SUMF1: variants seen among roughly 807,000 people sequenced by gnomAD.
SUMF1 encodes sulfatase modifying factor 1.
In SUMF1, 48 loss-of-function variants were observed where a neutral mutation model predicts 47.6. That is an observed-to-expected ratio of 1.01 (90% CI 0.80 to 1.28). The LOEUF is 1.28. Among genes scored for constraint, SUMF1 ranks in the 50% most tolerant of loss-of-function variants. The probability of loss-of-function intolerance (pLI) is 0.00; values close to 1 mark genes in which losing one functional copy is unlikely to be tolerated. For synonymous variants in SUMF1, 230 were observed against 192.1 expected (o/e 1.20, Z -1.63); for missense variants, 571 against 485.4 (o/e 1.18, Z -1.66).
intron 8 of SUMF1, among the ~76,000 whole-genome samples, chr3:4,254,860 G>C (rs1230548503): frequency 6.6e-6 from 1 of 152,078 alleles, no homozygotes; most frequent in Non-Finnish European, 1.5e-5. Flanking sequence ...AGGGCAGCCA[G>C]AGAGAAAGGT....
chr3:4,363,933 A>C (rs1226841106), intron 8 of SUMF1, among the ~76,000 whole-genome samples: 1 of 145,636 alleles, frequency 6.9e-6, no homozygotes, highest in African/African-American at 2.6e-5. Context: ...TTTAGCATGA[A>C]GGGTTGTTGA....
At chr3:4,425,548 G>A (rs1411835639) in intron 3 of SUMF1, among the ~76,000 whole-genome samples, 2 of 152,134 alleles carry the variant, frequency 1.3e-5, no homozygotes, top group East Asian at 1.9e-4. Flanking sequence ...CTGATCAACT[G>A]AGAAAAGTGA....
chr3:4,321,978 T>TTAAC (rs1415382628), intron 8 of SUMF1, among the ~76,000 whole-genome samples: 4 of 152,156 alleles, frequency 2.6e-5, no homozygotes, highest in Non-Finnish European at 4.4e-5. Flanking sequence ...AGATGGTACA[T>TTAAC]TAACTCTGTG....
chr3:4,415,473 C>A (rs930796403), intron 6 of SUMF1, among the ~76,000 whole-genome samples: 2 of 152,100 alleles, frequency 1.3e-5, no homozygotes, highest in African/African-American at 4.8e-5. Flanking sequence ...GAAAAGTTTT[C>A]TAACCTTTGA....
At chr3:4,228,467 A>G (rs992443854) in intron 8 of SUMF1, among the ~76,000 whole-genome samples, 1 of 152,038 alleles carries the variant, frequency 6.6e-6, no homozygotes, top group Non-Finnish European at 1.5e-5. Flanking sequence ...TCCAATAACT[A>G]AGTTTATGGA....
intron 8 of SUMF1, among the ~76,000 whole-genome samples, chr3:4,154,737 G>C (rs1173383650): frequency 6.6e-6 from 1 of 151,472 alleles, no homozygotes; most frequent in East Asian, 1.9e-4. Flanking sequence ...CAGGTCCATA[G>C]ACTGATAATT....
chr3:4,452,891 A>C lies in SUMF1; in HGVS notation c.429T>G (p.Thr143=). 1 of 1,614,216 alleles carries C rather than the reference A, an allele frequency of 6.2e-7. No individual in the cohort carries two copies. The highest frequency in any genetic ancestry group is 8.5e-7 in the Non-Finnish European group (1 of 1,180,044). ...ATCCCATTACCTCTGTCAAATAGCC[A>C]GTTGAGTTCACAAACTTCTCAAATT... The part of the protein sequence containing the change: ...NTEFEKFVNS[T]GYLTEAEKFG... Residue 143 remains threonine, a synonymous_variant, in exon 2 of 9, where the codon ACT becomes ACG. Coordinates refer to ENST00000272902, the MANE Select transcript of SUMF1 (RefSeq NM_182760.4).
rs1699776024 is a variant in SUMF1 at position 4,362,041 on chromosome 3, C to T, written c.*103G>A. ...CATTGGGCAGGTATGTAACCCACCT[C>T]AGGGTGGGAATTCTTTGCATGGGAT... On this transcript the variant is annotated 3_prime_UTR_variant, in exon 9 of 9. Coordinates refer to ENST00000272902, the MANE Select transcript of SUMF1 (RefSeq NM_182760.4). 8.6e-7 allele frequency: 1 copy of T among 1,162,564 alleles called. No individual in the cohort carries two copies. The highest frequency in any genetic ancestry group is 1.5e-5 in the African/African-American group (1 of 65,354). The allele number at this position is 1,162,564 out of a possible 1,614,324, so 72.0% of individuals were successfully genotyped here. A position where few individuals can be genotyped will look rare whatever the true frequency, so the allele number is the denominator to read the frequency against.
intron 8 of SUMF1, among the ~76,000 whole-genome samples, chr3:4,279,439 C>CA (rs1428196009): frequency 6.6e-6 from 1 of 152,094 alleles, no homozygotes; most frequent in Non-Finnish European, 1.5e-5. Flanking sequence ...AATCATACAA[C>CA]AAAATAGTAT....
chr3:4,074,437 A>G (rs1228425207), intron 8 of SUMF1, among the ~76,000 whole-genome samples: 1 of 152,140 alleles, frequency 6.6e-6, no homozygotes, highest in Non-Finnish European at 1.5e-5. Context: ...GAACTAGAGA[A>G]GCAAGAGCAA....
intron 8 of SUMF1, among the ~76,000 whole-genome samples, chr3:4,253,723 A>T (rs1197161605): frequency 1.7e-3 from 247 of 143,562 alleles, no homozygotes; most frequent in Admixed American, 5.6e-3. Context: ...TTAGGTAAAC[A>T]AAGCAGCCAG....
chr3:4,397,686 C>A lies in SUMF1; in HGVS notation c.954+13179G>T, dbSNP rs574820120. ...GCTTGATTAGATGCCATGTTTACTT[C>A]CTTTACTGAGTATAAAGTGGAGACT... is the stretch of plus-strand genomic sequence containing the variant. On this transcript the variant is annotated intron_variant, in intron 7 of 8. Coordinates refer to ENST00000272902, the MANE Select transcript of SUMF1 (RefSeq NM_182760.4). 2.0e-5 allele frequency among the ~76,000 whole-genome samples: 3 copies of A among 152,160 alleles called. No individual in the cohort carries two copies. The South Asian group carries it at 6.2e-4, about 32-fold the overall frequency.
intron 9 of SUMF1, among the ~76,000 whole-genome samples, chr3:4,043,972 T>TGCTAACTGTC (rs72433303): frequency 0.99 from 150,020 of 152,140 alleles, 73,994 homozygotes; most frequent in Middle Eastern, 1. Context: ...TAGGCACATA[T>TGCTAACTGTC]TCCAAGGCTG....
At chr3:4,443,622 A>C (rs1316792768) in intron 3 of SUMF1, among the ~76,000 whole-genome samples, 1 of 152,034 alleles carries the variant, frequency 6.6e-6, no homozygotes, top group African/African-American at 2.4e-5. Context: ...ACAATTAGCC[A>C]GGTGTGGTGG....
intron 7 of SUMF1, 90 bp downstream of exon 7, chr3:4,410,775 C>A: frequency 2.7e-6 from 3 of 1,116,514 alleles, no homozygotes; most frequent in Admixed American, 3.4e-5. Context: ...TATGTAAATA[C>A]CCCTCGGAAA....
chr3:4,121,293 C>T (rs906388991), intron 8 of SUMF1, among the ~76,000 whole-genome samples: 3 of 152,104 alleles, frequency 2.0e-5, no homozygotes, highest in Non-Finnish European at 2.9e-5. Flanking sequence ...AATGACCTCT[C>T]CAAGGTCAAA....
intron 8 of SUMF1, among the ~76,000 whole-genome samples, chr3:4,158,489 G>A (rs1694503809): frequency 6.6e-6 from 1 of 151,518 alleles, no homozygotes; most frequent in South Asian, 2.1e-4. Flanking sequence ...TACAAATTAA[G>A]TACAATGTTT....
chr3:4,448,491 C>T (rs942938168), intron 3 of SUMF1, among the ~76,000 whole-genome samples: 4 of 152,186 alleles, frequency 2.6e-5, no homozygotes, highest in Admixed American at 6.5e-5. Flanking sequence ...TCTCCTATCC[C>T]TTCTGCATTC....
At chr3:4,158,052 T>C (rs1437478740) in intron 8 of SUMF1, among the ~76,000 whole-genome samples, 1 of 151,616 alleles carries the variant, frequency 6.6e-6, no homozygotes, top group Admixed American at 6.5e-5. Flanking sequence ...GATAATTCAG[T>C]CCAATTGAGT....
Sources: gnomAD v4.1 joint callset for allele counts (sites outside exome capture counted in the v4.1 genomes callset) on GRCh38, gnomAD v4.1.1 for gene constraint, MANE v1.5 for transcripts, NCBI Gene and HGNC (gene_info 2026-07-23, HGNC 2026-07-21) for gene names.